The following ADAMTS17 variants were observed in gnomAD, a reference collection of about 807,000 sequenced individuals.
ADAMTS17 encodes A disintegrin and metalloproteinase with thrombospondin motifs 17.
ADAMTS17 carries 113 observed loss-of-function variants against 141.5 expected under a neutral mutation model. The ratio of observed to expected loss-of-function variants is 0.80; its 90% CI spans 0.69 to 0.93. ADAMTS17 has a LOEUF of 0.93. Among genes scored for constraint, ADAMTS17 ranks in the 40% least tolerant of loss-of-function variants. ADAMTS17 has a pLI of 0.00. For synonymous variants in ADAMTS17, 768 were observed against 630.6 expected (o/e 1.22, Z -3.27); for missense variants, 1,659 against 1,517.9 (o/e 1.09, Z -1.54).
At chr15:100,261,420 T>C (rs920206788) in intron 6 of ADAMTS17, 59 bp downstream of exon 6, 1 of 1,610,198 alleles carries the variant, frequency 6.2e-7, no homozygotes, top group African/African-American at 1.3e-5. Flanking sequence ...CTATTTCCTC[T>C]CTGAAGGGAA....
At chr15:100,271,060 C>T (rs917499568) in intron 4 of ADAMTS17, among the ~76,000 whole-genome samples, 1 of 152,034 alleles carries the variant, frequency 6.6e-6, no homozygotes, top group Non-Finnish European at 1.5e-5. Flanking sequence ...ATCTATGTTA[C>T]AGCATGTGTC....
At chr15:100,215,689 G>A (rs2041948725) in intron 7 of ADAMTS17, among the ~76,000 whole-genome samples, 3 of 152,060 alleles carry the variant, frequency 2.0e-5, no homozygotes, top group Admixed American at 6.6e-5. Context: ...CAGGTGTAAG[G>A]ATGATGCACA....
Position 99,976,156 on chromosome 15 carries a change from G to A in ADAMTS17, c.3016C>T (p.Arg1006Cys), listed in dbSNP as rs1160717325. The change falls in exon 21 of 22, where the codon CGC becomes TGC. Residue 1006 changes from arginine (R) to cysteine (C), a missense_variant. By Grantham distance (180) the Arg-to-Cys change is radical (BLOSUM62 -3). Transcript: ENST00000268070. ...AGGGCGGGGCACTCGCTGCCGTGGC[G>A]CCCTGTGACCTTGTGCATGCACTGC... ...VVQCMHKVTG[R>C]HGSECPALSK... 16 of 1,550,584 alleles carry A rather than the reference G, an allele frequency of 1.0e-5. No individual in the cohort carries two copies. Among genetic ancestry groups the A allele is most frequent in the East Asian group, 9.8e-5 (4 of 40,938 alleles).
At chr15:100,008,440 G>A (rs2061083641) in intron 18 of ADAMTS17, among the ~76,000 whole-genome samples, 1 of 152,182 alleles carries the variant, frequency 6.6e-6, no homozygotes, top group Admixed American at 6.5e-5. Flanking sequence ...GTCATCGTGG[G>A]CCAAACAGTA....
Position 100,297,625 on chromosome 15 carries a change from G to A in ADAMTS17, c.617-16224C>T, listed in dbSNP as rs542122465. Among the ~76,000 whole-genome samples, 38 of 152,314 alleles carry A rather than the reference G, an allele frequency of 2.5e-4. 1 individual carries two copies. The highest frequency in any genetic ancestry group is 1.2e-4 in the African/African-American group (5 of 41,568). On this transcript the variant is annotated intron_variant, in intron 3 of 21. Transcript: ENST00000268070. ...CACTGAATTGGGGACCACTGGAATAGGGCCAGGTAGGAAGAAAGCACTGTG... is the reference window on the plus strand; with the variant it reads ...CACTGAATTGGGGACCACTGGAATAAGGCCAGGTAGGAAGAAAGCACTGTG...
At position 100,341,951 on chromosome 15, in the gene ADAMTS17, G is replaced by C. The variant is rs1311609663; in HGVS notation, c.-52C>G. 5.2e-6 allele frequency: 8 copies of C among 1,542,598 alleles called. No individual in the cohort carries two copies. The highest frequency in any genetic ancestry group is 3.9e-5 in the Admixed American group (2 of 50,852). On this transcript the variant is annotated 5_prime_UTR_variant, in exon 1 of 22. Transcript: ENST00000268070. ...GACCGTGGCGGCGAAGCAGGAGCGC[G>C]CTAGGCGGCGGCGCCAGCCGGAGTG...
At chr15:100,258,474 G>A (rs774661419) in intron 6 of ADAMTS17, among the ~76,000 whole-genome samples, 8 of 152,222 alleles carry the variant, frequency 5.3e-5, no homozygotes, top group Admixed American at 1.3e-4. Context: ...GAGGTTTAAT[G>A]CACTTATAGT....
chr15:100,324,536 C>T (rs117239623), intron 3 of ADAMTS17, among the ~76,000 whole-genome samples: 30 of 152,304 alleles, frequency 2.0e-4, no homozygotes, highest in South Asian at 1.5e-3. Flanking sequence ...ATGTCATGTT[C>T]GCCATAGTAT....
chr15:100,109,550 T>C (rs997625115), intron 13 of ADAMTS17, among the ~76,000 whole-genome samples: 1 of 152,124 alleles, frequency 6.6e-6, no homozygotes, highest in Non-Finnish European at 1.5e-5. Flanking sequence ...AGGGTCACCA[T>C]GACAGTAGCT....
chr15:100,204,142 C>A (rs1293099656), intron 7 of ADAMTS17, among the ~76,000 whole-genome samples: 1 of 152,154 alleles, frequency 6.6e-6, no homozygotes, highest in African/African-American at 2.4e-5. Flanking sequence ...ATGATAGAAG[C>A]TCATAACTCT....
intron 12 of ADAMTS17, among the ~76,000 whole-genome samples, chr15:100,131,205 C>T (rs200508434): frequency 2.4e-4 from 36 of 148,152 alleles, no homozygotes; most frequent in East Asian, 1.8e-3. Context: ...CATCACACAC[C>T]GGGGCCTGTC....
intron 2 of ADAMTS17, among the ~76,000 whole-genome samples, chr15:100,335,797 G>A (rs2046191108): frequency 6.6e-6 from 1 of 152,214 alleles, no homozygotes; most frequent in African/African-American, 2.4e-5. Flanking sequence ...ATGGCTGCAG[G>A]CAGAAAGGTT....
intron 2 of ADAMTS17, among the ~76,000 whole-genome samples, chr15:100,335,653 G>C (rs1413994672): frequency 6.6e-6 from 1 of 152,114 alleles, no homozygotes; most frequent in African/African-American, 2.4e-5. Context: ...AAAAGTCTGG[G>C]AACAGCCTGC....
chr15:100,154,307 T>C (rs2039328658), intron 9 of ADAMTS17, among the ~76,000 whole-genome samples: 1 of 152,200 alleles, frequency 6.6e-6, no homozygotes, highest in African/African-American at 2.4e-5. Flanking sequence ...GGAAGTAGAC[T>C]ACATTAAAAG....
chr15:100,251,920 C>T (rs1425684353), intron 7 of ADAMTS17, among the ~76,000 whole-genome samples: 1 of 152,172 alleles, frequency 6.6e-6, no homozygotes, highest in South Asian at 2.1e-4. Context: ...TCAGGAGAGG[C>T]AAAGTCTGCC....
intron 18 of ADAMTS17, among the ~76,000 whole-genome samples, chr15:100,048,489 C>CG: frequency 1.5e-5 from 2 of 132,608 alleles, no homozygotes; most frequent in Admixed American, 1.6e-4. Flanking sequence ...AGCCTGTGTG[C>CG]ACCTTTCTCC....
chr15:99,983,977 C>G (rs910603909), intron 20 of ADAMTS17, among the ~76,000 whole-genome samples: 3 of 152,148 alleles, frequency 2.0e-5, no homozygotes, highest in African/African-American at 7.2e-5. Context: ...CGGTTGAAAC[C>G]TGAAACAGCA....
At chr15:100,170,032 A>AC (rs1441853684) in intron 8 of ADAMTS17, among the ~76,000 whole-genome samples, 7 of 151,682 alleles carry the variant, frequency 4.6e-5, no homozygotes, top group African/African-American at 1.7e-4. Context: ...ACCTGTGCCT[A>AC]CCCTCTGACT....
At chr15:100,054,338 C>T (rs981425652) in intron 15 of ADAMTS17, among the ~76,000 whole-genome samples, 1 of 152,180 alleles carries the variant, frequency 6.6e-6, no homozygotes, top group Non-Finnish European at 1.5e-5. Flanking sequence ...ACTCAGATAG[C>T]TGGGGTTAGG....
Sources: gnomAD v4.1 joint callset for allele counts (sites outside exome capture counted in the v4.1 genomes callset) on GRCh38, gnomAD v4.1.1 for gene constraint, MANE v1.5 for transcripts, NCBI Gene and HGNC (gene_info 2026-07-23, HGNC 2026-07-21) for gene names.